Variants in RNF138 observed in about 807,000 individuals in gnomAD.
RNF138 encodes the protein E3 ubiquitin-protein ligase RNF138.
In RNF138, 12 loss-of-function variants were observed where a neutral mutation model predicts 31.0. That is an observed-to-expected ratio of 0.39 (90% CI 0.25 to 0.63). The LOEUF is 0.63. Ranked by LOEUF, RNF138 falls within the 20% of genes least tolerant of loss-of-function variation. The pLI is 0.52. For synonymous variants in RNF138, 105 were observed against 99.5 expected, an observed-to-expected ratio of 1.06 and a Z score of -0.33; for missense variants, 192 against 300.1, an observed-to-expected ratio of 0.64 and a Z score of 2.66.
chr18:32,112,539 G>T (rs572395581), intron 3 of RNF138, among the ~76,000 whole-genome samples: 1 of 152,262 alleles, frequency 6.6e-6, no homozygotes, highest in East Asian at 1.9e-4. Context: ...TAAAAAATCA[G>T]CCAGGTGTGG....
At chr18:32,098,133 TGCACCATCAC>T (rs1488444279) in intron 2 of RNF138, among the ~76,000 whole-genome samples, 1 of 151,890 alleles carries the variant, frequency 6.6e-6, no homozygotes, top group African/African-American at 2.4e-5. Flanking sequence ...ATTACAGGCG[TGCACCATCAC>T]GCCCTGCTAA....
At chr18:32,119,749 T>TTAA (rs1169671460) in intron 4 of RNF138, among the ~76,000 whole-genome samples, 1 of 152,176 alleles carries the variant, frequency 6.6e-6, no homozygotes, top group Admixed American at 6.6e-5. Flanking sequence ...AAGAAATGGA[T>TTAA]TAAAAGTTCA....
At chr18:32,111,401 A>G (rs560360545) in intron 2 of RNF138, among the ~76,000 whole-genome samples, 327 of 152,332 alleles carry the variant, frequency 2.1e-3, no homozygotes, top group African/African-American at 7.6e-3. Context: ...TTGTTGGCCT[A>G]AGATTACACA....
At chr18:32,097,137 G>GT (rs1470019181) in intron 2 of RNF138, among the ~76,000 whole-genome samples, 5 of 152,214 alleles carry the variant, frequency 3.3e-5, no homozygotes, top group Admixed American at 3.3e-4. Context: ...GGAGTAAGGT[G>GT]TTTATCTCTT....
intron 4 of RNF138, among the ~76,000 whole-genome samples, chr18:32,119,254 G>A (rs902420241): frequency 6.6e-6 from 1 of 151,966 alleles, no homozygotes; most frequent in Admixed American, 6.6e-5. Context: ...CTAGAAATAT[G>A]ACCTCTCTCA....
Position 32,129,841 on chromosome 18 carries a change from T to G in RNF138, c.*654T>G, listed in dbSNP as rs1451955612. The stretch of plus-strand genomic sequence containing the variant: ...TTAGAAGGAAATACAAAGAGAAAAA[T>G]TTCTTTCTTTCATGGGCATTTGATA... On this transcript the variant is annotated 3_prime_UTR_variant, in exon 8 of 8. Coordinates refer to ENST00000261593, the MANE Select transcript of RNF138 (RefSeq NM_016271.5). 1 of 152,376 alleles carries G rather than the reference T, an allele frequency of 6.6e-6. No individual in the cohort carries two copies. The highest frequency in any genetic ancestry group is 1.5e-5 in the Non-Finnish European group (1 of 67,926). The allele number at this position is 152,376 out of a possible 1,614,324, so 9.4% of individuals were successfully genotyped here.
At position 32,102,864 on chromosome 18, in the gene RNF138, T is replaced by C. The variant is rs542785426; in HGVS notation, c.111-8890T>C. ...CAGGCTGGTCTTGAACTCCTGACCT[T>C]AGGTGATCCACCTGCCTTGGCCTCA... On this transcript the variant is annotated intron_variant, in intron 2 of 7. Coordinates refer to ENST00000261593, the MANE Select transcript of RNF138 (RefSeq NM_016271.5). Among the ~76,000 whole-genome samples the C allele has an allele frequency of 2.6e-5, 4 of 151,552 alleles. No individual in the cohort carries two copies. The South Asian group carries it at 8.3e-4, about 32-fold the overall frequency.
At chr18:32,108,056 T>C (rs2040065849) in intron 2 of RNF138, among the ~76,000 whole-genome samples, 1 of 151,772 alleles carries the variant, frequency 6.6e-6, no homozygotes, top group African/African-American at 2.4e-5. Context: ...AGTTTTGCCA[T>C]GTTGGCCAGG....
At chr18:32,117,549 C>T (rs2040237177) in intron 4 of RNF138, among the ~76,000 whole-genome samples, 1 of 152,136 alleles carries the variant, frequency 6.6e-6, no homozygotes, top group African/African-American at 2.4e-5. Flanking sequence ...TTCACTAATT[C>T]ATACTGTTTA....
chr18:32,118,779 G>T (rs2040256884), intron 4 of RNF138, among the ~76,000 whole-genome samples: 1 of 152,148 alleles, frequency 6.6e-6, no homozygotes, highest in African/African-American at 2.4e-5. Context: ...CAGTGAGTCG[G>T]GATCGTGCCA....
intron 6 of RNF138, 73 bp from the exon 7 acceptor site, chr18:32,126,620 T>C (rs2040388405): frequency 4.1e-6 from 4 of 965,622 alleles, no homozygotes; most frequent in Admixed American, 4.2e-5. Flanking sequence ...CCCTGTGTTA[T>C]TTTAATACTG....
chr18:32,115,845 T>C (rs923721163), intron 4 of RNF138, among the ~76,000 whole-genome samples: 1 of 152,162 alleles, frequency 6.6e-6, no homozygotes, highest in Non-Finnish European at 1.5e-5. Flanking sequence ...TATAGCCTCT[T>C]TCTTGGTTAT....
At chr18:32,096,888 G>A (rs1013702396) in intron 2 of RNF138, among the ~76,000 whole-genome samples, 10 of 151,988 alleles carry the variant, frequency 6.6e-5, no homozygotes, top group African/African-American at 2.2e-4. Flanking sequence ...TCACCACCAT[G>A]CCTGGCTATT....
rs1236447532 is a variant in RNF138, at chr18:32,102,171, C to A, written c.110+9285C>A. Reference sequence around the variant, plus strand: ...GTGCTGGTATTACAGGTGTGAGCCACCACACCTGACCTTCTTTTAGTTTCT... The same window carrying A: ...GTGCTGGTATTACAGGTGTGAGCCAACACACCTGACCTTCTTTTAGTTTCT... On this transcript the variant is annotated intron_variant, in intron 2 of 7. Transcript: ENST00000261593. 6.0e-5 allele frequency among the ~76,000 whole-genome samples: 9 copies of A among 150,226 alleles called. No homozygotes were observed. The Admixed American group carries it at 6.0e-4, about 10-fold the overall frequency.
At chr18:32,098,194 GCCAGGCTGGTTTTGAACT>G (rs1361556906) in intron 2 of RNF138, among the ~76,000 whole-genome samples, 15 of 152,068 alleles carry the variant, frequency 9.9e-5, no homozygotes, top group African/African-American at 1.4e-4. Context: ...TACCATGTTG[GCCAGGCTGGTTTTGAACT>G]CCAGGCTGGT....
chr18:32,111,940 C>T (rs759713153), intron 3 of RNF138, 21 bp downstream of exon 3: 45 of 1,545,356 alleles, frequency 2.9e-5, no homozygotes, highest in Non-Finnish European at 3.7e-5. Flanking sequence ...TGTGACATCT[C>T]TCTTCTTTGG....
intron 4 of RNF138, among the ~76,000 whole-genome samples, chr18:32,117,886 C>G (rs914620865): frequency 3.9e-5 from 6 of 152,000 alleles, no homozygotes; most frequent in Non-Finnish European, 7.4e-5. Context: ...TTTTTGTTTT[C>G]TTTAGCCACA....
chr18:32,098,914 A>AT (rs58298513), intron 2 of RNF138, among the ~76,000 whole-genome samples: 12,372 of 141,114 alleles, frequency 0.088, 629 homozygotes, highest in Non-Finnish European at 0.12. Context: ...ACAACCTTTG[A>AT]TTTTTTTTTT....
intron 2 of RNF138, among the ~76,000 whole-genome samples, chr18:32,110,050 C>T (rs1430805332): frequency 3.9e-5 from 6 of 152,034 alleles, no homozygotes; most frequent in Non-Finnish European, 8.8e-5. Context: ...GCAGTGGCAC[C>T]TTCATAGCTC....
Sources: gnomAD v4.1 joint callset for allele counts (sites outside exome capture counted in the v4.1 genomes callset) on GRCh38, gnomAD v4.1.1 for gene constraint, MANE v1.5 for transcripts, NCBI Gene and HGNC (gene_info 2026-07-23, HGNC 2026-07-21) for gene names.